Variants in KDM1B observed in about 807,000 individuals in gnomAD.
The protein encoded by KDM1B is lysine-specific histone demethylase 2.
A neutral mutation model predicts 107.4 loss-of-function variants in KDM1B; 63 were observed. The ratio of observed to expected loss-of-function variants is 0.59; its 90% CI spans 0.48 to 0.72. The LOEUF (loss-of-function observed/expected upper bound fraction) is 0.72. Ranked by LOEUF, KDM1B falls within the 30% of genes least tolerant of loss-of-function variation. The pLI, the probability that KDM1B is intolerant of heterozygous loss-of-function variation, is 0.00. For synonymous variants in KDM1B, 363 were observed against 363.9 expected (o/e 1.00, Z 0.03); for missense variants, 749 against 1,020.8 (o/e 0.73, Z 3.63).
intron 16 of KDM1B, among the ~76,000 whole-genome samples, chr6:18,207,926 C>T (rs1427776351): frequency 5.9e-5 from 9 of 152,062 alleles, no homozygotes; most frequent in Non-Finnish European, 8.8e-5. Context: ...TTCTATATTC[C>T]GACACAATGT....
intron 6 of KDM1B, among the ~76,000 whole-genome samples, chr6:18,169,264 G>A (rs1358998128): frequency 2.9e-5 from 4 of 138,614 alleles, no homozygotes; most frequent in Admixed American, 7.5e-5. Context: ...ATGGAGTTTC[G>A]CTCTTGTCAC....
chr6:18,197,233 T>A lies in KDM1B; in HGVS notation c.1146T>A (p.Asn382Lys). ...ATCTTCTCCCTAAGGACTACCACAA[T>A]GTAGGTGATTATAGCTTTAGCGATA... ...DQYLLPKDYH[N>K]KSVIIIGAGP... Residue 382 changes from asparagine (N) to lysine (K), a missense_variant and splice_region_variant, in exon 11 of 22, where the codon AAT becomes AAA. Asn to Lys is a moderately conservative substitution (Grantham distance 94). Transcript: ENST00000650836. The surrounding 1 kb of genome is among the most constrained non-coding windows in gnomAD (Gnocchi z 4.5). The A allele has an allele frequency of 6.2e-7, 1 of 1,612,186 alleles. No homozygotes were observed.
chr6:18,194,123 T>C (rs1184340705), intron 10 of KDM1B, among the ~76,000 whole-genome samples: 1 of 151,934 alleles, frequency 6.6e-6, no homozygotes, highest in African/African-American at 2.4e-5. Context: ...GTGATCCACC[T>C]GCCTCAGCCT....
chr6:18,192,217 G>C (rs1432726688), intron 10 of KDM1B, among the ~76,000 whole-genome samples: 1 of 152,202 alleles, frequency 6.6e-6, no homozygotes, highest in Non-Finnish European at 1.5e-5. Context: ...AGCCGTGATT[G>C]TGCCACTGCA....
intron 5 of KDM1B, among the ~76,000 whole-genome samples, chr6:18,163,557 C>T (rs9477643): frequency 0.57 from 85,931 of 151,930 alleles, 24,475 homozygotes; most frequent in African/African-American, 0.64. Context: ...CCAATAAATG[C>T]GTTTTTAAAT....
chr6:18,208,611 A>G (rs1222800993), intron 17 of KDM1B, among the ~76,000 whole-genome samples: 314 of 28,602 alleles, frequency 0.011, 24 homozygotes, highest in Non-Finnish European at 0.016. Context: ...ATGTATATAT[A>G]TATATATATA....
rs9477672 is a variant in KDM1B, at chr6:18,204,203, T to A, written c.1532-1334T>A. Among the ~76,000 whole-genome samples, 6,563 of 152,066 alleles carry A rather than the reference T, an allele frequency of 0.043. 466 individuals carry two copies. The highest frequency in any genetic ancestry group is 0.15 in the African/African-American group (6,091 of 41,450). On this transcript the variant is annotated intron_variant, in intron 14 of 21. Transcript: ENST00000650836. This position sits in a 1 kb window ranked among gnomAD's most constrained non-coding sequence, Gnocchi z 4.9. Reference sequence around the variant, plus strand: ...TTCTAGTCAGAGAAGTGTGTGACACTCTGTTAAACTTGGGATTACACCTGT... The same window carrying A: ...TTCTAGTCAGAGAAGTGTGTGACACACTGTTAAACTTGGGATTACACCTGT...
rs750079720 is a variant in KDM1B, at chr6:18,162,817, G to GT, written c.216-13dup. ...TGTTTATTCATTACCAAAGCTATATGTTTTTCACTATTTTCAGATGTGCCA... is the reference window on the plus strand; with the variant it reads ...TGTTTATTCATTACCAAAGCTATATGTTTTTTCACTATTTTCAGATGTGCCA... On this transcript the variant is annotated splice_polypyrimidine_tract_variant and intron_variant, in intron 4 of 21. Coordinates refer to ENST00000650836, the MANE Select transcript of KDM1B (RefSeq NM_001364614.2). This position sits in a 1 kb window ranked among gnomAD's most constrained non-coding sequence, Gnocchi z 4.1. 2.8e-6 allele frequency: 4 copies of GT among 1,408,124 alleles called. No individual in the cohort carries two copies. Among genetic ancestry groups the GT allele is most frequent in the Non-Finnish European group, 4.0e-6 (4 of 992,446 alleles). The allele number at this position is 1,408,124 out of a possible 1,614,324, so 87.2% of individuals were successfully genotyped here.
At chr6:18,183,517 C>G (rs573917267) in intron 7 of KDM1B, among the ~76,000 whole-genome samples, 3 of 152,074 alleles carry the variant, frequency 2.0e-5, no homozygotes, top group Admixed American at 1.3e-4. Context: ...ACCTCGGCCT[C>G]CCAAAATGCA....
At chr6:18,165,843 TAAAAA>T (rs1274046475) in intron 5 of KDM1B, among the ~76,000 whole-genome samples, 3 of 151,866 alleles carry the variant, frequency 2.0e-5, no homozygotes, top group African/African-American at 4.8e-5. Context: ...AAAAAAATAA[TAAAAA>T]AATAAAAATA....
chr6:18,167,200 T>C (rs1206542932), intron 6 of KDM1B, among the ~76,000 whole-genome samples: 1 of 151,448 alleles, frequency 6.6e-6, no homozygotes, highest in Non-Finnish European at 1.5e-5. Flanking sequence ...ACTAAAAAAA[T>C]ACAAAAATTA....
In KDM1B at chr6:18,213,648, C is replaced by T; in HGVS notation, c.1984-8C>T. Reference sequence around the variant, plus strand: ...CACCTAACCACCTTTCTTCTGCTCACTTTGCAGATTGCCTTGCAATTTCCG... The same window carrying T: ...CACCTAACCACCTTTCTTCTGCTCATTTTGCAGATTGCCTTGCAATTTCCG... On this transcript the variant is annotated splice_polypyrimidine_tract_variant and splice_region_variant and intron_variant, in intron 18 of 21. Coordinates refer to ENST00000650836, the MANE Select transcript of KDM1B (RefSeq NM_001364614.2). The surrounding 1 kb of genome is among the most constrained non-coding windows in gnomAD (Gnocchi z 5.9). 6.2e-7 allele frequency: 1 copy of T among 1,614,070 alleles called. No individual in the cohort carries two copies. Among genetic ancestry groups the T allele is most frequent in the Non-Finnish European group, 8.5e-7 (1 of 1,179,954 alleles).
intron 7 of KDM1B, among the ~76,000 whole-genome samples, chr6:18,175,012 A>G (rs906474831): frequency 6.6e-6 from 1 of 152,320 alleles, no homozygotes; most frequent in Middle Eastern, 3.4e-3. Context: ...CAGTAGTGGA[A>G]TTGCTGGATC....
rs180774701 is a variant in KDM1B, at chr6:18,221,796, A to G, written c.2386-113A>G. 1.9e-4 allele frequency: 162 copies of G among 830,808 alleles called. No homozygotes were observed. The African/African-American group carries it at 2.6e-3, about 13-fold the overall frequency. 51.5% of individuals were successfully genotyped at this position (830,808 alleles called of 1,614,324 possible). A position where few individuals can be genotyped will look rare whatever the true frequency, so the allele number is the denominator to read the frequency against. Reference sequence around the variant, plus strand: ...GATGGGTGAGTGTGAATATGAGCACACAGGAGTGGCACAAATCTTTATGTT... The same window carrying G: ...GATGGGTGAGTGTGAATATGAGCACGCAGGAGTGGCACAAATCTTTATGTT... On this transcript the variant is annotated intron_variant, in intron 21 of 21. Coordinates refer to ENST00000650836, the MANE Select transcript of KDM1B (RefSeq NM_001364614.2).
At chr6:18,219,276 G>A (rs1789491739) in intron 21 of KDM1B, among the ~76,000 whole-genome samples, 1 of 152,178 alleles carries the variant, frequency 6.6e-6, no homozygotes, top group Non-Finnish European at 1.5e-5. Context: ...ATTTACTTCT[G>A]TTGAAAAATG....
chr6:18,178,273 A>G (rs12210261), intron 7 of KDM1B, among the ~76,000 whole-genome samples: 3 of 151,646 alleles, frequency 2.0e-5, no homozygotes, highest in Non-Finnish European at 4.4e-5. Context: ...TTTAGTAGAG[A>G]TGGGGTTTCA....
chr6:18,165,053 C>A (rs545304835), intron 5 of KDM1B, among the ~76,000 whole-genome samples: 1 of 151,300 alleles, frequency 6.6e-6, no homozygotes, highest in South Asian at 2.1e-4. Context: ...GTTGATATAA[C>A]TGGATTAAAA....
intron 7 of KDM1B, among the ~76,000 whole-genome samples, chr6:18,182,446 C>G (rs1786541226): frequency 6.6e-6 from 1 of 152,112 alleles, no homozygotes; most frequent in Non-Finnish European, 1.5e-5. Flanking sequence ...CAACTCTGTA[C>G]ACTGTTTTTG....
chr6:18,157,808 C>CTTTTTTTT lies in KDM1B; in HGVS notation c.-14+1897_-14+1904dup, dbSNP rs67631382. Among the ~76,000 whole-genome samples, 34 of 115,608 alleles carry CTTTTTTTT rather than the reference C, an allele frequency of 2.9e-4. 1 individual carries two copies. Among genetic ancestry groups the CTTTTTTTT allele is most frequent in the East Asian group, 5.7e-4 (2 of 3,500 alleles). 75.8% of individuals were successfully genotyped at this position (115,608 alleles called of 152,430 possible). ...GTATAACAATTATAGGTAGATAGTC[C>CTTTTTTTT]TTTTTTTTTTTTTTTTTTTTTTGAG... On this transcript the variant is annotated intron_variant, in intron 2 of 21. Coordinates refer to ENST00000650836, the MANE Select transcript of KDM1B (RefSeq NM_001364614.2).
Sources: allele counts gnomAD v4.1 joint callset (sites outside exome capture counted in the v4.1 genomes callset), GRCh38; gene constraint gnomAD v4.1.1; non-coding constraint Gnocchi (gnomAD v3.1); transcripts MANE v1.5; gene names NCBI Gene and HGNC (gene_info 2026-07-23, HGNC 2026-07-21).